The following NAALADL2 variants were observed in gnomAD, a reference collection of about 807,000 sequenced individuals.
NAALADL2 encodes the protein N-acetylated alpha-linked acidic dipeptidase like 2, also known as inactive N-acetylated-alpha-linked acidic dipeptidase-like protein 2.
A neutral mutation model predicts 87.2 loss-of-function variants in NAALADL2; 76 were observed. The observed-to-expected ratio is 0.87, with a 90% CI of 0.72 to 1.05. The LOEUF (loss-of-function observed/expected upper bound fraction) is 1.05. Among genes scored for constraint, NAALADL2 ranks in the 50% least tolerant of loss-of-function variants. The probability of loss-of-function intolerance (pLI) is 0.00; values close to 1 mark genes in which losing one functional copy is unlikely to be tolerated. For missense variants in NAALADL2, 1,089 were observed against 945.8 expected, an observed-to-expected ratio of 1.15 and a Z score of -1.99; for synonymous variants, 354 against 331.0, an observed-to-expected ratio of 1.07 and a Z score of -0.75.
At chr3:174,571,647 G>A (rs988663318) in intron 2 of NAALADL2, among the ~76,000 whole-genome samples, 3 of 152,104 alleles carry the variant, frequency 2.0e-5, no homozygotes, top group African/African-American at 7.2e-5. Flanking sequence ...CCAAAGTGCT[G>A]GGATTACAGG....
chr3:174,848,663 T>C (rs370104528), intron 3 of NAALADL2, among the ~76,000 whole-genome samples: 11 of 152,340 alleles, frequency 7.2e-5, no homozygotes, highest in African/African-American at 2.6e-4. Flanking sequence ...AGTGAAGTTC[T>C]TCAGTGAGGT....
chr3:174,872,559 C>T (rs1445145305), intron 1 of NAALADL2, among the ~76,000 whole-genome samples: 1 of 152,208 alleles, frequency 6.6e-6, no homozygotes, highest in East Asian at 1.9e-4. Flanking sequence ...TGCCTTTGTT[C>T]ATCCAACAAA....
chr3:174,534,435 C>T (rs1232638034), intron 1 of NAALADL2, among the ~76,000 whole-genome samples: 1 of 152,200 alleles, frequency 6.6e-6, no homozygotes, highest in African/African-American at 2.4e-5. Flanking sequence ...ATTATTTGAG[C>T]AGCTGAATGA....
chr3:175,221,630 C>T (rs1439400790), intron 2 of NAALADL2, among the ~76,000 whole-genome samples: 1 of 151,996 alleles, frequency 6.6e-6, no homozygotes, highest in African/African-American at 2.4e-5. Flanking sequence ...TCTTATTTAA[C>T]CAGATATCAG....
chr3:175,542,388 G>A (rs112812010), intron 9 of NAALADL2, among the ~76,000 whole-genome samples: 11 of 152,156 alleles, frequency 7.2e-5, no homozygotes, highest in African/African-American at 2.7e-4. Flanking sequence ...TCTGTTTCCT[G>A]GCATTTGTGG....
chr3:175,288,191 C>T (rs1755214120), intron 4 of NAALADL2, among the ~76,000 whole-genome samples: 1 of 152,104 alleles, frequency 6.6e-6, no homozygotes, highest in Admixed American at 6.6e-5. Context: ...AAGCAATTCT[C>T]CTCCCTCAGG....
intron 5 of NAALADL2, among the ~76,000 whole-genome samples, chr3:175,329,427 CT>C (rs1761135072): frequency 6.6e-6 from 1 of 152,164 alleles, no homozygotes; most frequent in Admixed American, 6.5e-5. Context: ...AAGAATATCA[CT>C]GTAATTTGTG....
At chr3:175,583,702 G>A (rs1313258568) in intron 10 of NAALADL2, among the ~76,000 whole-genome samples, 1 of 152,104 alleles carries the variant, frequency 6.6e-6, no homozygotes, top group Non-Finnish European at 1.5e-5. Context: ...AAAAAGCCTT[G>A]GCTTTACTTC....
At chr3:175,293,781 C>T (rs1272334240) in intron 4 of NAALADL2, among the ~76,000 whole-genome samples, 1 of 152,092 alleles carries the variant, frequency 6.6e-6, no homozygotes, top group Non-Finnish European at 1.5e-5. Flanking sequence ...TTCAGGTTTC[C>T]CAGGCTCTGG....
chr3:175,444,356 AT>A (rs1195611255), intron 5 of NAALADL2, among the ~76,000 whole-genome samples: 1 of 152,214 alleles, frequency 6.6e-6, no homozygotes, highest in Non-Finnish European at 1.5e-5. Flanking sequence ...TTGTACAGAC[AT>A]TGTCTATGCT....
chr3:175,055,159 G>T (rs1291790744), intron 1 of NAALADL2, among the ~76,000 whole-genome samples: 1 of 152,104 alleles, frequency 6.6e-6, no homozygotes, highest in Non-Finnish European at 1.5e-5. Flanking sequence ...CACCCAATAA[G>T]CTGCTTTTCC....
chr3:174,889,464 CCTG>C lies in NAALADL2; in HGVS notation c.43+30018_43+30020del, dbSNP rs1205668601. Among the ~76,000 whole-genome samples the C allele has an allele frequency of 3.9e-5, 6 of 152,256 alleles. No individual in the cohort carries two copies. In the East Asian group the frequency reaches 9.7e-4, roughly 25 times the overall value. On this transcript the variant is annotated intron_variant, in intron 1 of 13. Coordinates refer to ENST00000454872, the MANE Select transcript of NAALADL2 (RefSeq NM_207015.3). ...CTGCCTTTAGTTCCCTGCTTCCTCT[CCTG>C]CTGGACGCCATTGCTATTATTTCCC...
At chr3:175,250,626 A>G (rs1242177252) in intron 3 of NAALADL2, among the ~76,000 whole-genome samples, 1 of 152,132 alleles carries the variant, frequency 6.6e-6, no homozygotes, top group African/African-American at 2.4e-5. Context: ...TGTTCCTTCC[A>G]ATGAAAAGAC....
chr3:175,371,000 T>C (rs1194563318), intron 5 of NAALADL2, among the ~76,000 whole-genome samples: 1 of 152,130 alleles, frequency 6.6e-6, no homozygotes, highest in Non-Finnish European at 1.5e-5. Context: ...ACACTGTTGA[T>C]TAAAAATGAG....
chr3:175,583,003 T>C (rs1719999846), intron 10 of NAALADL2, among the ~76,000 whole-genome samples: 1 of 146,450 alleles, frequency 6.8e-6, no homozygotes, highest in Non-Finnish European at 1.5e-5. Flanking sequence ...CTACTCGACT[T>C]ACAGTGGGGT....
intron 2 of NAALADL2, among the ~76,000 whole-genome samples, chr3:174,696,201 A>C (rs1175100041): frequency 6.6e-6 from 1 of 152,034 alleles, no homozygotes; most frequent in Non-Finnish European, 1.5e-5. Context: ...ACAAAATAAT[A>C]TCTCTTCTTA....
chr3:174,608,585 C>A (rs1306743035), intron 2 of NAALADL2, among the ~76,000 whole-genome samples: 11 of 152,122 alleles, frequency 7.2e-5, no homozygotes, highest in Admixed American at 2.0e-4. Context: ...AATTCCTTGA[C>A]ACATACACCC....
At chr3:174,840,850 CTGGA>C (rs1368008252) in intron 3 of NAALADL2, among the ~76,000 whole-genome samples, 3 of 152,040 alleles carry the variant, frequency 2.0e-5, no homozygotes, top group Non-Finnish European at 4.4e-5. Context: ...TGGGGGAAGG[CTGGA>C]TACTTTAATC....
chr3:175,349,905 G>A (rs923832931), intron 5 of NAALADL2, among the ~76,000 whole-genome samples: 2 of 151,990 alleles, frequency 1.3e-5, no homozygotes, highest in Admixed American at 6.6e-5. Flanking sequence ...TTATTGGATG[G>A]AAAGTTGGAT....
Sources: gnomAD v4.1 joint callset for allele counts (sites outside exome capture counted in the v4.1 genomes callset) on GRCh38, gnomAD v4.1.1 for gene constraint, MANE v1.5 for transcripts, NCBI Gene and HGNC (gene_info 2026-07-23, HGNC 2026-07-21) for gene names.